Variants in SNX25 observed in about 807,000 individuals in gnomAD.
SNX25 encodes sorting nexin-25.
Under a neutral mutation model 113.7 loss-of-function variants are expected in SNX25, and 62 were observed. The ratio of observed to expected loss-of-function variants is 0.55; its 90% CI spans 0.44 to 0.67. SNX25 has a LOEUF of 0.67. SNX25 is among the 30% of genes least tolerant of loss of function. The pLI, the probability that SNX25 is intolerant of heterozygous loss-of-function variation, is 0.00. For synonymous variants in SNX25, 421 were observed against 436.2 expected (o/e 0.97, Z 0.43); for missense variants, 1,014 against 1,161.0 (o/e 0.87, Z 1.84).
At chr4:185,259,905 G>T (rs774602063) in intron 3 of SNX25, among the ~76,000 whole-genome samples, 39 of 152,150 alleles carry the variant, frequency 2.6e-4, no homozygotes, top group Non-Finnish European at 5.3e-4. Context: ...TGCACAGCAG[G>T]TCTCCATTCC....
In SNX25 at chr4:185,347,359, A is replaced by G. The variant is rs78068566; in HGVS notation, c.2301+709A>G. Among the ~76,000 whole-genome samples, 138 of 152,052 alleles carry G rather than the reference A, an allele frequency of 9.1e-4. 1 individual carries two copies. The highest frequency in any genetic ancestry group is 3.3e-3 in the African/African-American group (136 of 41,448). ...TGTGTAAGGGTTCTGATTGCTCCAC[A>G]TCCTCACCAACACTTATCTTTTGCG... On this transcript the variant is annotated intron_variant, in intron 13 of 18. Coordinates refer to ENST00000652585, the MANE Select transcript of SNX25 (RefSeq NM_001378034.2).
Position 185,319,086 on chromosome 4 carries a change from AT to A in SNX25, c.1345-1643del, listed in dbSNP as rs887399717. Among the ~76,000 whole-genome samples the A allele has an allele frequency of 1.7e-4, 11 of 63,910 alleles. No homozygotes were observed. The South Asian group carries it at 2.9e-3, about 17-fold the overall frequency. The allele number at this position is 63,910 out of a possible 152,430, so 41.9% of individuals were successfully genotyped here. On this transcript the variant is annotated intron_variant, in intron 7 of 18. Coordinates refer to ENST00000652585, the MANE Select transcript of SNX25 (RefSeq NM_001378034.2). Reference sequence around the variant, plus strand: ...CCAGCCCACTTTTCCCCTTTATTTTATTTTATTTTTTTTATTTTTTTTTTTT... The same window carrying A: ...CCAGCCCACTTTTCCCCTTTATTTTATTTATTTTTTTTATTTTTTTTTTTT...
intron 6 of SNX25, among the ~76,000 whole-genome samples, chr4:185,303,095 G>A (rs1321558472): frequency 6.6e-6 from 1 of 152,180 alleles, no homozygotes; most frequent in Non-Finnish European, 1.5e-5. Context: ...TTTGAATAGA[G>A]CTAGTTAGTC....
intron 1 of SNX25, among the ~76,000 whole-genome samples, chr4:185,243,416 C>T (rs1206765191): frequency 1.3e-5 from 2 of 152,042 alleles, no homozygotes; most frequent in African/African-American, 4.8e-5. Context: ...TCAAGACCAA[C>T]CTGGGCAACA....
intron 9 of SNX25, among the ~76,000 whole-genome samples, chr4:185,330,006 A>G (rs1296463503): frequency 6.6e-6 from 1 of 152,186 alleles, no homozygotes; most frequent in African/African-American, 2.4e-5. Flanking sequence ...CCTGGGTATC[A>G]GCATCAAATG....
intron 6 of SNX25, among the ~76,000 whole-genome samples, chr4:185,308,394 C>T (rs1030471521): frequency 6.6e-6 from 1 of 152,314 alleles, no homozygotes. Context: ...GCAGACTCTT[C>T]TGAAAACTCT....
chr4:185,311,593 A>G (rs1579737388), intron 7 of SNX25, among the ~76,000 whole-genome samples: 1 of 152,046 alleles, frequency 6.6e-6, no homozygotes. Context: ...CAGATGCCAG[A>G]CTCCTCTCTG....
chr4:185,222,477 C>A (rs1431112816), intron 1 of SNX25, among the ~76,000 whole-genome samples: 3 of 152,078 alleles, frequency 2.0e-5, no homozygotes, highest in African/African-American at 7.2e-5. Flanking sequence ...CCCTATACCC[C>A]TCCCTCTCGG....
At chr4:185,213,537 G>A (rs1738275809) in intron 1 of SNX25, among the ~76,000 whole-genome samples, 1 of 152,168 alleles carries the variant, frequency 6.6e-6, no homozygotes, top group Admixed American at 6.5e-5. Flanking sequence ...TCTAGGGCCA[G>A]CCTGCTGTTG....
chr4:185,342,884 A>G (rs913421854), intron 12 of SNX25, among the ~76,000 whole-genome samples: 1 of 151,714 alleles, frequency 6.6e-6, no homozygotes, highest in Non-Finnish European at 1.5e-5. Context: ...TTATTTATCT[A>G]TTTATTTTTA....
chr4:185,348,544 A>T (rs2126736687), intron 13 of SNX25, among the ~76,000 whole-genome samples: 1 of 152,110 alleles, frequency 6.6e-6, no homozygotes, highest in Admixed American at 6.5e-5. Flanking sequence ...AGACAGGCTC[A>T]TGCCACCACA....
At chr4:185,374,467 AC>A, downstream of SNX25, 1 of 1,603,616 alleles carries the variant, frequency 6.2e-7, no homozygotes, top group South Asian at 1.1e-5. Flanking sequence ...TTCTCCTTCG[AC>A]AAAAGAAAGA....
chr4:185,217,325 A>G (rs555396207), intron 1 of SNX25, among the ~76,000 whole-genome samples: 9 of 152,304 alleles, frequency 5.9e-5, no homozygotes, highest in Admixed American at 2.6e-4. Flanking sequence ...GTGTGAATGG[A>G]GACAACAGAC....
At chr4:185,281,695 C>T (rs1750583074) in intron 5 of SNX25, among the ~76,000 whole-genome samples, 2 of 152,148 alleles carry the variant, frequency 1.3e-5, no homozygotes, top group South Asian at 4.1e-4. Flanking sequence ...ACATTCCTAG[C>T]CTGTGGCAAC....
At chr4:185,343,954 C>T (rs1281851696) in intron 12 of SNX25, among the ~76,000 whole-genome samples, 1 of 152,154 alleles carries the variant, frequency 6.6e-6, no homozygotes, top group Non-Finnish European at 1.5e-5. Context: ...CATGTTGGCT[C>T]ACGCCTGTAA....
At chr4:185,205,888 T>A (rs528188590), upstream of SNX25, among the ~76,000 whole-genome samples, 1 of 152,180 alleles carries the variant, frequency 6.6e-6, no homozygotes, top group Admixed American at 6.5e-5. Flanking sequence ...AGTAGATATT[T>A]CTCCAAAGAA....
At position 185,363,349 on chromosome 4, in the gene SNX25, A is replaced by G; in HGVS notation, c.2935-36A>G. On this transcript the variant is annotated intron_variant, in intron 18 of 18. Transcript: ENST00000652585. The surrounding 1 kb of genome is among the most constrained non-coding windows in gnomAD (Gnocchi z 4.2). ...ATTTTGAATAAACCCTTGGAGAAAAACATTTTTCCACTTTTTTCCTTCTTT... is the reference window on the plus strand; with the variant it reads ...ATTTTGAATAAACCCTTGGAGAAAAGCATTTTTCCACTTTTTTCCTTCTTT... 2 of 1,606,376 alleles carry G rather than the reference A, an allele frequency of 1.2e-6. No individual in the cohort carries two copies. The highest frequency in any genetic ancestry group is 2.2e-5 in the East Asian group (1 of 44,810).
intron 16 of SNX25, among the ~76,000 whole-genome samples, chr4:185,361,209 A>G (rs1434428101): frequency 6.6e-6 from 1 of 152,214 alleles, no homozygotes; most frequent in Non-Finnish European, 1.5e-5. Context: ...AGCTACGGAA[A>G]GCCTGCTCCT....
chr4:185,265,908 A>G (rs1748011390), intron 4 of SNX25, among the ~76,000 whole-genome samples: 1 of 152,174 alleles, frequency 6.6e-6, no homozygotes, highest in South Asian at 2.1e-4. Context: ...CCAAAATGTC[A>G]TTATGTGGCG....
Sources: gnomAD v4.1 joint callset for allele counts (sites outside exome capture counted in the v4.1 genomes callset) on GRCh38, gnomAD v4.1.1 for gene constraint, Gnocchi (gnomAD v3.1) non-coding constraint, MANE v1.5 for transcripts, NCBI Gene and HGNC (gene_info 2026-07-23, HGNC 2026-07-21) for gene names.